The following BPIFB6 variants were observed in gnomAD, a reference collection of about 807,000 sequenced individuals.
The protein encoded by BPIFB6 is BPI fold-containing family B member 6.
BPIFB6 carries 47 observed loss-of-function variants against 54.7 expected under a neutral mutation model. The ratio of observed to expected loss-of-function variants is 0.86; its 90% CI spans 0.68 to 1.10. BPIFB6 has a LOEUF of 1.10. BPIFB6 is among the 50% of genes least tolerant of loss of function. The pLI, the probability that BPIFB6 is intolerant of heterozygous loss-of-function variation, is 0.00. For synonymous variants in BPIFB6, 255 were observed against 225.9 expected (o/e 1.13, Z -1.16); for missense variants, 603 against 564.1 (o/e 1.07, Z -0.70).
chr20:33,042,098 C>A, intron 12 of BPIFB6, 83 bp downstream of exon 12: 1 of 1,426,244 alleles, frequency 7.0e-7, no homozygotes, highest in African/African-American at 1.4e-5. Flanking sequence ...GGCCGAGGCC[C>A]TGAAATGGAG....
rs112376619 is a variant in BPIFB6 at position 33,034,316 on chromosome 20, G to A, written c.302+26G>A. 1.5e-3 allele frequency: 2,213 copies of A among 1,515,924 alleles called. 16 individuals carry two copies. In the African/African-American group the frequency reaches 0.019, roughly 13 times the overall value. The allele number at this position is 1,515,924 out of a possible 1,614,324, so 93.9% of individuals were successfully genotyped here. On this transcript the variant is annotated intron_variant, in intron 3 of 14. Transcript: ENST00000349552. ...GTGAGTGTGGCAGGGGAGGGGCAGC[G>A]GGGAGGAGAACGGCCTTCCTGTCTC...
chr20:33,038,501 T>C (rs895733430), intron 8 of BPIFB6, among the ~76,000 whole-genome samples: 16 of 152,126 alleles, frequency 1.1e-4, no homozygotes, highest in African/African-American at 3.9e-4. Context: ...CATCCATCCA[T>C]GTATTCTTCC....
At chr20:33,034,332 T>C in intron 3 of BPIFB6, 42 bp downstream of exon 3, 2 of 1,347,946 alleles carry the variant, frequency 1.5e-6, no homozygotes, top group Non-Finnish European at 2.1e-6. Context: ...GAGAACGGCC[T>C]TCCTGTCTCA....
chr20:33,035,658 G>C lies in BPIFB6; in HGVS notation c.563G>C (p.Trp188Ser). ...GTCCTGGTGTATGTGAACAGGAAGT[G>C]GACCAACCTCAGTGGTGAGTGTAGC... ...DAVLVYVNRKWTNLSDPMPVG... is the reference protein window; with the variant it reads ...DAVLVYVNRKSTNLSDPMPVG... The change falls in exon 6 of 15, where the codon TGG becomes TCG. Residue 188 changes from tryptophan to serine, a missense_variant. Transcript: ENST00000349552. 1 of 1,614,096 alleles carries C rather than the reference G, an allele frequency of 6.2e-7. No homozygotes were observed. Among genetic ancestry groups the C allele is most frequent in the Non-Finnish European group, 8.5e-7 (1 of 1,179,990 alleles).
chr20:33,036,028 G>T (rs530392310), intron 6 of BPIFB6, among the ~76,000 whole-genome samples: 1 of 152,130 alleles, frequency 6.6e-6, no homozygotes, highest in East Asian at 1.9e-4. Context: ...ATCATTTTGG[G>T]GTCCCATTTT....
At chr20:33,039,062 A>G in intron 9 of BPIFB6, 100 bp downstream of exon 9, 1 of 1,343,754 alleles carries the variant, frequency 7.4e-7, no homozygotes, top group Middle Eastern at 1.8e-4. Context: ...TTCATGCCAC[A>G]TATTCCTTGT....
chr20:33,037,474 G>A, intron 7 of BPIFB6, 88 bp from the exon 8 acceptor site: 1 of 1,337,818 alleles, frequency 7.5e-7, no homozygotes, highest in Non-Finnish European at 1.0e-6. Flanking sequence ...GGGTTTGGCT[G>A]GAGCCCCATT....
chr20:33,031,659 C>A lies in BPIFB6; in HGVS notation c.12C>A (p.Ile4=). 6.2e-7 allele frequency: 1 copy of A among 1,613,894 alleles called. No homozygotes were observed. Among genetic ancestry groups the A allele is most frequent in the Non-Finnish European group, 8.5e-7 (1 of 1,179,950 alleles). Residue 4 remains isoleucine, a synonymous_variant, in exon 1 of 15, where the codon ATC becomes ATA. Transcript: ENST00000349552. The part of the protein sequence containing the change: MLR[I]LCLALCSLLT... ...GCACAGGTGGTGCCATGCTGCGGAT[C>A]CTGTGCCTGGCACTCTGCAGCCTGC... is the stretch of plus-strand genomic sequence containing the variant.
intron 5 of BPIFB6, 52 bp from the exon 6 acceptor site, chr20:33,035,560 G>A (rs1979301076): frequency 7.0e-6 from 11 of 1,573,300 alleles, no homozygotes; most frequent in East Asian, 2.2e-5. Context: ...TCAGCTGTGT[G>A]GAGGCTCTCC....
intron 7 of BPIFB6, 42 bp downstream of exon 7, chr20:33,036,578 A>C: frequency 7.8e-6 from 12 of 1,531,994 alleles, no homozygotes; most frequent in Non-Finnish European, 1.1e-5. Flanking sequence ...TCTCAGGCTC[A>C]CTGGTCTGGG....
chr20:33,035,522 G>T, intron 5 of BPIFB6, 90 bp from the exon 6 acceptor site: 1 of 1,366,988 alleles, frequency 7.3e-7, no homozygotes. Flanking sequence ...TCCCACCAGG[G>T]CTCTTGGGAT....
At chr20:33,039,817 A>T (rs1360235974) in intron 10 of BPIFB6, among the ~76,000 whole-genome samples, 6 of 152,184 alleles carry the variant, frequency 3.9e-5, no homozygotes. Flanking sequence ...CCCAAATCCA[A>T]TTTGGGGAAA....
At chr20:33,038,194 CACT>C (rs541428038) in intron 8 of BPIFB6, among the ~76,000 whole-genome samples, 175 of 152,168 alleles carry the variant, frequency 1.2e-3, no homozygotes, top group Non-Finnish European at 1.8e-3. Context: ...ACCCAAACAC[CACT>C]ACATCCACCC....
intron 14 of BPIFB6, 136 bp downstream of exon 14, chr20:33,043,503 C>A: frequency 2.6e-6 from 2 of 764,964 alleles, no homozygotes; most frequent in Non-Finnish European, 4.5e-6. Context: ...TCCTGCCCCT[C>A]AGAATCTAGA....
chr20:33,034,099 G>T (rs45525532), intron 2 of BPIFB6, 87 bp from the exon 3 acceptor site: 1 of 924,166 alleles, frequency 1.1e-6, no homozygotes, highest in Non-Finnish European at 1.8e-6. Flanking sequence ...GTTATCGAAA[G>T]TCTTCCCAGT....
chr20:33,031,781 G>A, intron 1 of BPIFB6, 37 bp downstream of exon 1: 2 of 1,580,982 alleles, frequency 1.3e-6, no homozygotes, highest in Non-Finnish European at 1.7e-6. Context: ...CAGCTGGGAG[G>A]CGGTGCTTGG....
rs138848700 is a variant in BPIFB6 at position 33,034,424 on chromosome 20, C to G, written c.302+134C>G. The G allele has an allele frequency of 9.2e-5, 66 of 717,146 alleles. No individual in the cohort carries two copies. In the African/African-American group the frequency reaches 9.3e-4, roughly 10 times the overall value. 44.4% of individuals were successfully genotyped at this position (717,146 alleles called of 1,614,324 possible). On this transcript the variant is annotated intron_variant, in intron 3 of 14. Coordinates refer to ENST00000349552, the MANE Select transcript of BPIFB6 (RefSeq NM_174897.2). ...GGGATGATGTAGACTTGGTCCCTAC[C>G]TTTGTCAGGAACCAGACCTAAGCAC...
At chr20:33,044,086 C>T, downstream of BPIFB6, 1 of 1,612,626 alleles carries the variant, frequency 6.2e-7, no homozygotes, top group Non-Finnish European at 8.5e-7. Context: ...TGCTTACCAC[C>T]AACCACCTGC....
rs775022131 is a variant in BPIFB6, at chr20:33,042,888, C to T, written c.1252+10C>T. On this transcript the variant is annotated intron_variant, in intron 13 of 14. Coordinates refer to ENST00000349552, the MANE Select transcript of BPIFB6 (RefSeq NM_174897.2). Reference sequence around the variant, plus strand: ...ATCCCAGTTGTCAATGGTGAGGGTTCCAAAAGGCTTTGGACCATGGTGCCA... The same window carrying T: ...ATCCCAGTTGTCAATGGTGAGGGTTTCAAAAGGCTTTGGACCATGGTGCCA... The T allele has an allele frequency of 2.5e-6, 4 of 1,613,492 alleles. No individual in the cohort carries two copies. Among genetic ancestry groups the T allele is most frequent in the Middle Eastern group, 1.7e-4 (1 of 6,060 alleles).
Sources: allele counts gnomAD v4.1 joint callset (sites outside exome capture counted in the v4.1 genomes callset), GRCh38; gene constraint gnomAD v4.1.1; transcripts MANE v1.5; gene names NCBI Gene and HGNC (gene_info 2026-07-23, HGNC 2026-07-21).